The following TRMT13 variants were observed in gnomAD, a reference collection of about 807,000 sequenced individuals.
TRMT13 encodes the protein tRNA methyltransferase 13.
Under a neutral mutation model 55.9 loss-of-function variants are expected in TRMT13, and 45 were observed. The observed-to-expected ratio is 0.80, with a 90% confidence interval of 0.63 to 1.03. The LOEUF (loss-of-function observed/expected upper bound fraction) is 1.03. Among genes scored for constraint, TRMT13 ranks in the 50% least tolerant of loss-of-function variants. The pLI, the probability that TRMT13 is intolerant of heterozygous loss-of-function variation, is 0.00. For missense variants in TRMT13, 513 were observed against 563.9 expected (o/e 0.91, Z 0.91); for synonymous variants, 183 against 196.3 (o/e 0.93, Z 0.57).
At chr1:100,135,088 C>T (rs1333840115) in intron 1 of TRMT13, among the ~76,000 whole-genome samples, 1 of 152,130 alleles carries the variant, frequency 6.6e-6, no homozygotes, top group Non-Finnish European at 1.5e-5. Flanking sequence ...GTATCACTGA[C>T]ATCTAATGGA....
chr1:100,142,905 T>C, intron 7 of TRMT13: 1 of 463,758 alleles, frequency 2.2e-6, no homozygotes, highest in Non-Finnish European at 3.8e-6. Flanking sequence ...TGTCAGTGAA[T>C]TGGGAATTTT....
At chr1:100,140,673 C>T (rs766572079) in intron 6 of TRMT13, 159 bp downstream of exon 6, 151 of 832,754 alleles carry the variant, frequency 1.8e-4, no homozygotes, top group Admixed American at 8.9e-4. Context: ...AAATTGAGGG[C>T]ATGGATGTGA....
intron 1 of TRMT13, among the ~76,000 whole-genome samples, chr1:100,133,980 G>T (rs1024869221): frequency 6.6e-6 from 1 of 152,108 alleles, no homozygotes; most frequent in African/African-American, 2.4e-5. Context: ...GCTGAGGCAG[G>T]AGAATCGCTT....
At position 100,139,692 on chromosome 1, in the gene TRMT13, CAG is replaced by C. The variant is rs772478299; in HGVS notation, c.307_308del (p.Glu103AsnfsTer3). The C allele has an allele frequency of 2.6e-6, 4 of 1,534,900 alleles. No individual in the cohort carries two copies. Among genetic ancestry groups the C allele is most frequent in the Non-Finnish European group, 3.6e-6 (4 of 1,112,470 alleles). Reference sequence around the variant, plus strand: ...ATTAATGCAGGCTTAAGAGATGAAACAGAAATACCTGAACAATTAGTAAGTAC... The same window carrying C: ...ATTAATGCAGGCTTAAGAGATGAAACAAATACCTGAACAATTAGTAAGTAC... On this transcript the variant is annotated frameshift_variant, in exon 4 of 11. Transcript: ENST00000370141. LOFTEE classifies it high-confidence loss of function.
Position 100,133,270 on chromosome 1 carries a change from G to A in TRMT13, c.102G>A (p.Val34=), listed in dbSNP as rs748201468. The A allele has an allele frequency of 2.5e-6, 4 of 1,614,076 alleles. No homozygotes were observed. The Admixed American group carries it at 6.7e-5, about 27-fold the overall frequency. Residue 34 remains valine, a synonymous_variant, in exon 1 of 11, where the codon GTG becomes GTA. Transcript: ENST00000370141. ...AGAAACGGTTCTGCAGGATGGTGGT[G>A]GCCGCAGGGAAAAGATTTTGTGGTG... The part of the protein sequence containing the change: ...EKKKRFCRMV[V]AAGKRFCGEH...
chr1:100,143,622 T>G (rs1316033523), intron 8 of TRMT13, among the ~76,000 whole-genome samples: 1 of 152,126 alleles, frequency 6.6e-6, no homozygotes, highest in Non-Finnish European at 1.5e-5. Context: ...TTCCTAGAAT[T>G]TTAAATTGTA....
chr1:100,140,754 G>T, intron 6 of TRMT13, 98 bp from the exon 7 acceptor site: 2 of 1,187,950 alleles, frequency 1.7e-6, no homozygotes, highest in Non-Finnish European at 2.4e-6. Flanking sequence ...AATTATCAAT[G>T]TAAGCATACT....
chr1:100,135,073 G>T (rs1655630841), intron 1 of TRMT13, among the ~76,000 whole-genome samples: 1 of 152,116 alleles, frequency 6.6e-6, no homozygotes, highest in Non-Finnish European at 1.5e-5. Context: ...TTGTCAAACT[G>T]AGGAGTATCA....
chr1:100,133,255 C>T lies in TRMT13; in HGVS notation c.87C>T (p.Phe29=), dbSNP rs1364219717. 1 of 1,613,998 alleles carries T rather than the reference C, an allele frequency of 6.2e-7. No individual in the cohort carries two copies. Among genetic ancestry groups the T allele is most frequent in the Non-Finnish European group, 8.5e-7 (1 of 1,180,004 alleles). ...ACTATGTGGAAAAGAAGAAACGGTT[C>T]TGCAGGATGGTGGTGGCCGCAGGGA... is the stretch of plus-strand genomic sequence containing the variant. ...CGYYVEKKKR[F]CRMVVAAGKR... The change falls in exon 1 of 11, where the codon TTC becomes TTT. Residue 29 remains phenylalanine, a synonymous_variant. Coordinates refer to ENST00000370141, the MANE Select transcript of TRMT13 (RefSeq NM_019083.3).
rs1657504797 is a variant in TRMT13 at position 100,148,027 on chromosome 1, A to G, written c.951A>G (p.Glu317=). 2 of 1,614,096 alleles carry G rather than the reference A, an allele frequency of 1.2e-6. No individual in the cohort carries two copies. Among genetic ancestry groups the G allele is most frequent in the Admixed American group, 3.3e-5 (2 of 60,006 alleles). The part of the protein sequence containing the change: ...EIYTLAKEGN[E]KNVPEKWNPV... The stretch of plus-strand genomic sequence containing the variant: ...ACACTTTGGCCAAGGAAGGAAATGA[A>G]AAAAATGTCCCAGAGAAGTGGAACC... Residue 317 remains glutamate, a synonymous_variant, in exon 10 of 11, where the codon GAA becomes GAG. Transcript: ENST00000370141.
chr1:100,139,768 A>T, intron 4 of TRMT13, 57 bp downstream of exon 4: 4 of 1,097,774 alleles, frequency 3.6e-6, no homozygotes, highest in Non-Finnish European at 5.3e-6. Flanking sequence ...TCTCTTCATG[A>T]TGTGAATAAG....
chr1:100,146,373 G>GCC (rs1657250961), intron 9 of TRMT13, among the ~76,000 whole-genome samples: 3 of 152,202 alleles, frequency 2.0e-5, no homozygotes, highest in Non-Finnish European at 4.4e-5. Flanking sequence ...TTGAATGAAT[G>GCC]AATAATCTTG....
intron 4 of TRMT13, 47 bp downstream of exon 4, chr1:100,139,758 T>C: frequency 1.7e-6 from 2 of 1,196,856 alleles, no homozygotes; most frequent in Non-Finnish European, 2.4e-6. Flanking sequence ...ATTTATAAGC[T>C]CTCTTCATGA....
chr1:100,140,614 G>A lies in TRMT13; in HGVS notation c.501+100G>A, dbSNP rs1656491095. The A allele has an allele frequency of 4.9e-6, 5 of 1,014,514 alleles. No individual in the cohort carries two copies. In the Admixed American group the frequency reaches 9.5e-5, roughly 19 times the overall value. The allele number at this position is 1,014,514 out of a possible 1,614,324, so 62.8% of individuals were successfully genotyped here. A position where few individuals can be genotyped will look rare whatever the true frequency, so the allele number is the denominator to read the frequency against. ...ATAAGATTTTATTTTGTTTACCTTT[G>A]AGGGTACCAAATATTTCCATTTCAA... On this transcript the variant is annotated intron_variant, in intron 6 of 10. Transcript: ENST00000370141.
At chr1:100,138,626 C>T (rs373656281) in intron 3 of TRMT13, among the ~76,000 whole-genome samples, 1 of 152,172 alleles carries the variant, frequency 6.6e-6, no homozygotes, top group African/African-American at 2.4e-5. Flanking sequence ...AACAAAAGTC[C>T]ATTTACTACA....
intron 1 of TRMT13, among the ~76,000 whole-genome samples, chr1:100,134,774 C>T (rs1655583175): frequency 6.6e-6 from 1 of 152,138 alleles, no homozygotes; most frequent in Admixed American, 6.5e-5. Flanking sequence ...ATGAATAAAT[C>T]CTTACAAGCT....
At chr1:100,139,282 A>G (rs777778240) in intron 3 of TRMT13, among the ~76,000 whole-genome samples, 1 of 152,358 alleles carries the variant, frequency 6.6e-6, no homozygotes, top group African/African-American at 2.4e-5. Context: ...CTTTAGCACT[A>G]TAAGACAAAA....
intron 1 of TRMT13, among the ~76,000 whole-genome samples, chr1:100,134,574 C>G (rs562270435): frequency 3.2e-4 from 49 of 152,266 alleles, no homozygotes; most frequent in African/African-American, 1.1e-3. Context: ...CAAGGACATT[C>G]TTGTTTTGGA....
chr1:100,139,693 A>G lies in TRMT13; in HGVS notation c.306A>G (p.Thr102=). ...TTAATGCAGGCTTAAGAGATGAAAC[A>G]GAAATACCTGAACAATTAGTAAGTA... ...QDINAGLRDE[T]EIPEQLVPIS... is the part of the protein sequence containing the mutation. Residue 102 remains threonine, a synonymous_variant, in exon 4 of 11, where the codon ACA becomes ACG. Coordinates refer to ENST00000370141, the MANE Select transcript of TRMT13 (RefSeq NM_019083.3). The G allele has an allele frequency of 6.5e-7, 1 of 1,535,992 alleles. No individual in the cohort carries two copies. The highest frequency in any genetic ancestry group is 9.0e-7 in the Non-Finnish European group (1 of 1,113,004).
Sources: gnomAD v4.1 joint callset for allele counts (sites outside exome capture counted in the v4.1 genomes callset) on GRCh38, gnomAD v4.1.1 for gene constraint, MANE v1.5 for transcripts, NCBI Gene and HGNC (gene_info 2026-07-23, HGNC 2026-07-21) for gene names.